SRPK2: variants seen among roughly 807,000 people sequenced by gnomAD.
SRPK2 encodes the protein SFRS protein kinase 2.
SRPK2 carries 21 observed loss-of-function variants against 90.8 expected under a neutral mutation model. The ratio of observed to expected loss-of-function variants is 0.23; its 90% CI spans 0.16 to 0.33. The LOEUF is 0.33. Among genes scored for constraint, SRPK2 ranks in the 10% least tolerant of loss-of-function variants. The probability of loss-of-function intolerance (pLI) is 1.00; values close to 1 mark genes in which losing one functional copy is unlikely to be tolerated. For synonymous variants in SRPK2, 288 were observed against 311.1 expected (o/e 0.93, Z 0.78); for missense variants, 620 against 869.0 (o/e 0.71, Z 3.60).
intron 2 of SRPK2, chr7:105,269,122 C>T: frequency 3.6e-6 from 4 of 1,102,026 alleles, no homozygotes; most frequent in Non-Finnish European, 4.5e-6. Flanking sequence ...GGGGTGTTTT[C>T]TTTTTTAAGG....
intron 11 of SRPK2, among the ~76,000 whole-genome samples, chr7:105,139,661 T>A (rs1249335763): frequency 6.6e-6 from 1 of 152,244 alleles, no homozygotes; most frequent in African/African-American, 2.4e-5. Flanking sequence ...CTCCTTTACA[T>A]GGATTGTGAT....
rs763333134 is a variant in SRPK2 at position 105,142,244 on chromosome 7, T to C, written c.1307A>G (p.Tyr436Cys). ...NLDEPNAESD[Y>C]TYSSSYEQFN... is the part of the protein sequence containing the mutation. ...TTGTTCATAGGAGCTGCTATATGTG[T>C]AATCACTTTCTGCATTTGGCTCATC... The change falls in exon 11 of 16, where the codon TAC becomes TGC. Residue 436 changes from tyrosine (Y) to cysteine (C), a missense_variant. Coordinates refer to ENST00000393651, the MANE Select transcript of SRPK2 (RefSeq NM_182692.3). 6.2e-7 allele frequency: 1 copy of C among 1,614,138 alleles called. No individual in the cohort carries two copies. Among genetic ancestry groups the C allele is most frequent in the South Asian group, 1.1e-5 (1 of 91,084 alleles).
In SRPK2 at chr7:105,168,959, G is replaced by A. The variant is rs554951618; in HGVS notation, c.338+198C>T. Among the ~76,000 whole-genome samples, 109 of 152,238 alleles carry A rather than the reference G, an allele frequency of 7.2e-4. 4 individuals carry two copies. The South Asian group carries it at 0.021, about 30-fold the overall frequency. On this transcript the variant is annotated intron_variant, in intron 4 of 15. Coordinates refer to ENST00000393651, the MANE Select transcript of SRPK2 (RefSeq NM_182692.3). ...AATTAACTTTGAAATAAAGCTGGAAGCAAGTAATATTTTAAGATTTCAAAT... is the reference window on the plus strand; with the variant it reads ...AATTAACTTTGAAATAAAGCTGGAAACAAGTAATATTTTAAGATTTCAAAT...
intron 2 of SRPK2, among the ~76,000 whole-genome samples, chr7:105,235,666 TG>T (rs1800039354): frequency 1.3e-5 from 2 of 152,252 alleles, no homozygotes; most frequent in East Asian, 3.9e-4. Context: ...ATAAAAGGCA[TG>T]AGAAACATTC....
intron 2 of SRPK2, among the ~76,000 whole-genome samples, chr7:105,210,399 C>T (rs1028254045): frequency 3.9e-5 from 6 of 152,148 alleles, no homozygotes; most frequent in African/African-American, 1.4e-4. Flanking sequence ...CCTTCTTCCT[C>T]TCTTGGTAAT....
At chr7:105,396,822 G>GAAAGAAAGAGAGAA (rs1822344499) in intron 1 of SRPK2, among the ~76,000 whole-genome samples, 16 of 25,144 alleles carry the variant, frequency 6.4e-4, no homozygotes, top group South Asian at 3.3e-3. Flanking sequence ...AAGAGAGAAA[G>GAAAGAAAGAGAGAA]AGAGAGAGAG....
chr7:105,141,501 T>C (rs181515573), intron 11 of SRPK2, among the ~76,000 whole-genome samples: 70 of 152,290 alleles, frequency 4.6e-4, no homozygotes, highest in African/African-American at 1.7e-3. Context: ...TCCATGCCAA[T>C]TCCTTGAAAA....
At chr7:105,186,193 C>CT (rs1793556705) in intron 3 of SRPK2, among the ~76,000 whole-genome samples, 1 of 152,060 alleles carries the variant, frequency 6.6e-6, no homozygotes, top group African/African-American at 2.4e-5. Context: ...TAGGTTTTTA[C>CT]TTTTTAAATT....
intron 2 of SRPK2, among the ~76,000 whole-genome samples, chr7:105,245,546 G>C (rs1801531358): frequency 1.3e-5 from 2 of 152,110 alleles, no homozygotes; most frequent in Admixed American, 1.3e-4. Flanking sequence ...AACAATATTT[G>C]AGGGCAAATG....
At chr7:105,249,108 T>G (rs1346022792) in intron 2 of SRPK2, among the ~76,000 whole-genome samples, 2 of 152,122 alleles carry the variant, frequency 1.3e-5, no homozygotes, top group Non-Finnish European at 2.9e-5. Flanking sequence ...AGAAAAGACA[T>G]GAAGAGCACA....
intron 2 of SRPK2, among the ~76,000 whole-genome samples, chr7:105,367,107 G>A (rs1414985988): frequency 1.3e-5 from 2 of 148,588 alleles, no homozygotes; most frequent in African/African-American, 5.0e-5. Flanking sequence ...GGATAGTCTC[G>A]AACTCCTGAG....
At chr7:105,169,078 AC>A (rs1389232080) in intron 4 of SRPK2, 78 bp downstream of exon 4, 1 of 1,241,458 alleles carries the variant, frequency 8.1e-7, no homozygotes, top group Non-Finnish European at 1.2e-6. Flanking sequence ...AGCAGTGGTG[AC>A]CCTCAGCCAT....
At chr7:105,385,730 G>A (rs920530584) in intron 2 of SRPK2, among the ~76,000 whole-genome samples, 1 of 152,150 alleles carries the variant, frequency 6.6e-6, no homozygotes, top group Non-Finnish European at 1.5e-5. Flanking sequence ...GTCCCGGGCT[G>A]CCTTGATTCA....
chr7:105,293,911 G>A (rs1374061001), intron 2 of SRPK2, among the ~76,000 whole-genome samples: 1 of 152,122 alleles, frequency 6.6e-6, no homozygotes, highest in Non-Finnish European at 1.5e-5. Context: ...AATTCCTGAG[G>A]CAAGGAAAGC....
chr7:105,247,518 A>ATG (rs1801838029), intron 2 of SRPK2, among the ~76,000 whole-genome samples: 4 of 122,590 alleles, frequency 3.3e-5, no homozygotes, highest in African/African-American at 1.3e-4. Flanking sequence ...ACCAAAAAAC[A>ATG]CACACACACA....
intron 2 of SRPK2, among the ~76,000 whole-genome samples, chr7:105,323,066 G>T (rs923278732): frequency 3.3e-5 from 5 of 152,122 alleles, no homozygotes; most frequent in African/African-American, 1.2e-4. Context: ...GGGCATGGTG[G>T]CGCATGCCTG....
At chr7:105,379,309 TG>T (rs1359262233) in intron 2 of SRPK2, among the ~76,000 whole-genome samples, 1 of 152,038 alleles carries the variant, frequency 6.6e-6, no homozygotes, top group African/African-American at 2.4e-5. Context: ...ACCATTGACA[TG>T]GTATTTACAT....
At chr7:105,371,753 T>A (rs1819717978) in intron 2 of SRPK2, among the ~76,000 whole-genome samples, 2 of 151,968 alleles carry the variant, frequency 1.3e-5, no homozygotes, top group African/African-American at 4.8e-5. Flanking sequence ...ATGCTAACTG[T>A]TTAGACTGTG....
chr7:105,226,863 A>T (rs1334820195), intron 2 of SRPK2, among the ~76,000 whole-genome samples: 1 of 151,892 alleles, frequency 6.6e-6, no homozygotes, highest in Non-Finnish European at 1.5e-5. Flanking sequence ...CCAGGCTTGA[A>T]CCTCGGAGGC....
Sources: allele counts gnomAD v4.1 joint callset (sites outside exome capture counted in the v4.1 genomes callset), GRCh38; gene constraint gnomAD v4.1.1; transcripts MANE v1.5; gene names NCBI Gene and HGNC (gene_info 2026-07-23, HGNC 2026-07-21).